Variants in TACR1 observed in about 807,000 individuals in gnomAD.
TACR1 encodes tachykinin receptor 1, also known as substance-P receptor.
Under a neutral mutation model 35.8 loss-of-function variants are expected in TACR1, and 25 were observed. The ratio of observed to expected loss-of-function variants is 0.70; its 90% CI spans 0.51 to 0.98. The LOEUF (loss-of-function observed/expected upper bound fraction) is 0.98. TACR1 is among the 50% of genes least tolerant of loss of function. The pLI is 0.00. For missense variants in TACR1, 478 were observed against 522.9 expected (o/e 0.91, Z 0.84); for synonymous variants, 195 against 206.7 (o/e 0.94, Z 0.48).
At chr2:75,099,993 A>C (rs1572929927) in intron 2 of TACR1, among the ~76,000 whole-genome samples, 2 of 152,226 alleles carry the variant, frequency 1.3e-5, no homozygotes, top group Non-Finnish European at 2.9e-5. Flanking sequence ...AGAATAAAGC[A>C]TAAACTCAGT....
At chr2:75,113,696 T>G (rs1673799229) in intron 2 of TACR1, among the ~76,000 whole-genome samples, 1 of 152,112 alleles carries the variant, frequency 6.6e-6, no homozygotes, top group South Asian at 2.1e-4. Context: ...TACTAGGGGC[T>G]CTGGGCTGTA....
In TACR1 at chr2:75,051,309, A is replaced by G. The variant is rs1421203675; in HGVS notation, c.874T>C (p.Trp292Arg). 6.2e-7 allele frequency: 1 copy of G among 1,614,250 alleles called. No individual in the cohort carries two copies. The highest frequency in any genetic ancestry group is 8.5e-7 in the Non-Finnish European group (1 of 1,180,048). Residue 292 changes from tryptophan to arginine, a missense_variant, in exon 4 of 5, where the codon TGG (tryptophan) becomes CGG (arginine). By Grantham distance (101) the Trp-to-Arg change is moderately radical. Transcript: ENST00000305249. Reference protein sequence around the residue: ...FIQQVYLAIMWLAMSSTMYNP... With the variant: ...FIQQVYLAIMRLAMSSTMYNP... Reference sequence around the variant, plus strand: ...TACATGGTGGAGCTCATGGCCAGCCACATGATGGCCAGGTAGACCTGCTGG... The same window carrying G: ...TACATGGTGGAGCTCATGGCCAGCCGCATGATGGCCAGGTAGACCTGCTGG...
At chr2:75,136,537 G>T (rs1674293950) in intron 1 of TACR1, among the ~76,000 whole-genome samples, 1 of 152,034 alleles carries the variant, frequency 6.6e-6, no homozygotes, top group Admixed American at 6.6e-5. Flanking sequence ...CGAGTCTAGG[G>T]CCTGAATGAA....
chr2:75,114,495 C>T (rs1673812611), intron 2 of TACR1, among the ~76,000 whole-genome samples: 4 of 152,216 alleles, frequency 2.6e-5, no homozygotes, highest in Admixed American at 2.0e-4. Context: ...CTAGTACCTT[C>T]TGAGACCATT....
Position 75,144,307 on chromosome 2 carries a change from T to G in TACR1, c.390-23539A>C, listed in dbSNP as rs569990127. Among the ~76,000 whole-genome samples, 5 of 152,348 alleles carry G rather than the reference T, an allele frequency of 3.3e-5. No homozygotes were observed. In the East Asian group the frequency reaches 9.6e-4, roughly 29 times the overall value. ...CTTCACGATAGACTGGAAGGAATCCTTCAGCACAACATGAGTTCTCTTTGG... is the reference window on the plus strand; with the variant it reads ...CTTCACGATAGACTGGAAGGAATCCGTCAGCACAACATGAGTTCTCTTTGG... On this transcript the variant is annotated intron_variant, in intron 1 of 4. Transcript: ENST00000305249.
intron 2 of TACR1, among the ~76,000 whole-genome samples, chr2:75,076,895 G>A (rs1180872798): frequency 6.6e-6 from 1 of 152,140 alleles, no homozygotes; most frequent in Non-Finnish European, 1.5e-5. Context: ...AGGGGGAAGT[G>A]AGCTAAAATT....
chr2:75,089,494 C>T (rs72918521), intron 2 of TACR1, among the ~76,000 whole-genome samples: 13 of 152,150 alleles, frequency 8.5e-5, no homozygotes, highest in African/African-American at 2.2e-4. Flanking sequence ...AGCACCCTTT[C>T]GGGAGTCATC....
intron 2 of TACR1, among the ~76,000 whole-genome samples, chr2:75,076,832 C>CT (rs1672989981): frequency 1.3e-5 from 2 of 152,098 alleles, no homozygotes; most frequent in African/African-American, 2.4e-5. Flanking sequence ...CCTGAGAACT[C>CT]TAAGTTTTGG....
chr2:75,154,404 G>GCGCT lies in TACR1; in HGVS notation c.390-33637_390-33636insAGCG, dbSNP rs1364962469. On this transcript the variant is annotated intron_variant, in intron 1 of 4. Transcript: ENST00000305249. ...CCCAGGGAGATAATCAGCCAAGAGC[G>GCGCT]CGCACGCACACACACACACACACAC... The GCGCT allele has an allele frequency of 4.7e-5, 4 of 84,420 alleles. 1 individual carries two copies. The highest frequency in any genetic ancestry group is 2.1e-4 in the African/African-American group (4 of 18,714). 5.2% of individuals were successfully genotyped at this position (84,420 alleles called of 1,614,324 possible).
At chr2:75,197,545 A>C (rs1010914143) in intron 1 of TACR1, among the ~76,000 whole-genome samples, 11 of 152,314 alleles carry the variant, frequency 7.2e-5, no homozygotes, top group Admixed American at 1.3e-4. Context: ...TACACATTGG[A>C]GACCTAAGAT....
At chr2:75,186,544 T>A (rs1675708729) in intron 1 of TACR1, among the ~76,000 whole-genome samples, 2 of 152,062 alleles carry the variant, frequency 1.3e-5, no homozygotes, top group Non-Finnish European at 2.9e-5. Flanking sequence ...ATTTTACGAT[T>A]TATTTATAAT....
intron 2 of TACR1, among the ~76,000 whole-genome samples, chr2:75,101,651 G>T (rs1673535231): frequency 6.6e-6 from 1 of 151,994 alleles, no homozygotes; most frequent in Admixed American, 6.6e-5. Context: ...GTTCTCTTTG[G>T]CAATTGAAAA....
intron 1 of TACR1, among the ~76,000 whole-genome samples, chr2:75,139,151 A>G (rs935959102): frequency 6.6e-6 from 1 of 152,224 alleles, no homozygotes; most frequent in Non-Finnish European, 1.5e-5. Context: ...TAAGCATTCA[A>G]TATAGGATAT....
intron 1 of TACR1, among the ~76,000 whole-genome samples, chr2:75,129,022 T>C (rs547840363): frequency 1.6e-4 from 24 of 152,044 alleles, no homozygotes; most frequent in Admixed American, 1.5e-3. Context: ...GAGACTCAGG[T>C]TTATAGAAAT....
rs11368506 is a variant in TACR1 at position 75,064,091 on chromosome 2, G to GAA, written c.585-10338_585-10337dup. Among the ~76,000 whole-genome samples, 442 of 141,498 alleles carry GAA rather than the reference G, an allele frequency of 3.1e-3. 7 individuals are homozygous for GAA. Among genetic ancestry groups the GAA allele is most frequent in the African/African-American group, 0.01 (397 of 38,802 alleles). 92.8% of individuals were successfully genotyped at this position (141,498 alleles called of 152,430 possible). A position where few individuals can be genotyped will look rare whatever the true frequency, so the allele number is the denominator to read the frequency against. ...ATTCTTTCTTGGGCAGCAGTGTTAG[G>GAA]AAAAAAAAAAAAAGGTTCTGAAAAG... On this transcript the variant is annotated intron_variant, in intron 2 of 4. Coordinates refer to ENST00000305249, the MANE Select transcript of TACR1 (RefSeq NM_001058.4).
chr2:75,155,545 A>G (rs186256832), intron 1 of TACR1, among the ~76,000 whole-genome samples: 9 of 152,230 alleles, frequency 5.9e-5, no homozygotes, highest in East Asian at 3.9e-4. Context: ...TAAAATCTCT[A>G]TTCCATCCAG....
chr2:75,192,547 A>G (rs985053078), intron 1 of TACR1, among the ~76,000 whole-genome samples: 1 of 152,216 alleles, frequency 6.6e-6, no homozygotes, highest in African/African-American at 2.4e-5. Flanking sequence ...AAAATTGTCA[A>G]AAAGGCCTCT....
chr2:75,106,486 C>T (rs1673646732), intron 2 of TACR1, among the ~76,000 whole-genome samples: 1 of 151,912 alleles, frequency 6.6e-6, no homozygotes, highest in Admixed American at 6.6e-5. Flanking sequence ...AAATGTATCG[C>T]AGGAGTTTTG....
At chr2:75,099,068 T>A (rs1436561218) in intron 2 of TACR1, among the ~76,000 whole-genome samples, 1 of 152,100 alleles carries the variant, frequency 6.6e-6, no homozygotes, top group Non-Finnish European at 1.5e-5. Context: ...CTGCCACATC[T>A]TCTTTTTCAC....
Sources: gnomAD v4.1 joint callset for allele counts (sites outside exome capture counted in the v4.1 genomes callset) on GRCh38, gnomAD v4.1.1 for gene constraint, MANE v1.5 for transcripts, NCBI Gene and HGNC (gene_info 2026-07-23, HGNC 2026-07-21) for gene names.